The following SYNDIG1L variants were observed in gnomAD, a reference collection of about 807,000 sequenced individuals.
SYNDIG1L encodes synapse differentiation inducing 1 like, also known as synapse differentiation-inducing gene protein 1-like.
SYNDIG1L carries 13 observed loss-of-function variants against 20.1 expected under a neutral mutation model. The observed-to-expected ratio is 0.65, with a 90% CI of 0.42 to 1.03. SYNDIG1L has a LOEUF of 1.03. Ranked by LOEUF, SYNDIG1L falls within the 50% of genes least tolerant of loss-of-function variation. The pLI is 0.00. For synonymous variants in SYNDIG1L, 128 were observed against 129.3 expected, an observed-to-expected ratio of 0.99 and a Z score of 0.07; for missense variants, 294 against 305.1, an observed-to-expected ratio of 0.96 and a Z score of 0.27.
In SYNDIG1L at chr14:74,417,508, A is replaced by AT. The variant is rs369865506; in HGVS notation, c.-57-7708dup. On this transcript the variant is annotated intron_variant, in intron 1 of 3. Coordinates refer to ENST00000331628, the MANE Select transcript of SYNDIG1L (RefSeq NM_001105579.2). Reference sequence around the variant, plus strand: ...TGTAAAATGGTAACAGCTGCTATTTATTGCATCCTCCCATGAGGTGTTCCA... The same window carrying AT: ...TGTAAAATGGTAACAGCTGCTATTTATTTGCATCCTCCCATGAGGTGTTCCA... Among the ~76,000 whole-genome samples, 102 of 152,378 alleles carry AT rather than the reference A, an allele frequency of 6.7e-4. 2 individuals carry two copies. The highest frequency in any genetic ancestry group is 2.4e-3 in the African/African-American group (99 of 41,592).
chr14:74,455,847 C>T, the SYNDIG1L span, among the ~76,000 whole-genome samples: 1 of 152,222 alleles, frequency 6.6e-6, no homozygotes, highest in Non-Finnish European at 1.5e-5. Context: ...GTTCCTCCCT[C>T]CAACTGTGCT....
At chr14:74,448,894 C>A in the SYNDIG1L span, among the ~76,000 whole-genome samples, 1 of 151,650 alleles carries the variant, frequency 6.6e-6, no homozygotes, top group Non-Finnish European at 1.5e-5. Context: ...CATAGTGAGA[C>A]CTTGTTGCTA....
intron 1 of SYNDIG1L, among the ~76,000 whole-genome samples, chr14:74,424,238 CTCT>C (rs2086247667): frequency 6.6e-6 from 1 of 152,202 alleles, no homozygotes; most frequent in African/African-American, 2.4e-5. Context: ...TAGCCCAACT[CTCT>C]TCTTTTACAG....
rs139107110 is a variant in SYNDIG1L, at chr14:74,408,530, C to T, written c.418-541G>A. On this transcript the variant is annotated intron_variant, in intron 2 of 3. Transcript: ENST00000331628. ...AGTGAGCTGAGATCGCACCTTTGCACTCCAGCCGGGGCGACAGAGCGAGAC... is the reference window on the plus strand; with the variant it reads ...AGTGAGCTGAGATCGCACCTTTGCATTCCAGCCGGGGCGACAGAGCGAGAC... Among the ~76,000 whole-genome samples the T allele has an allele frequency of 9.1e-4, 136 of 149,544 alleles. 1 individual carries two copies. The highest frequency in any genetic ancestry group is 3.2e-3 in the African/African-American group (128 of 40,442).
At chr14:74,442,298 T>A in the SYNDIG1L span, among the ~76,000 whole-genome samples, 31 of 152,124 alleles carry the variant, frequency 2.0e-4, no homozygotes, top group Non-Finnish European at 3.1e-4. Context: ...CTGTGACAAG[T>A]GCTACCGCAA....
chr14:74,472,024 G>C, the SYNDIG1L span: 1 of 152,144 alleles, frequency 6.6e-6, no homozygotes, highest in Non-Finnish European at 1.5e-5. Context: ...TACTCCTCAA[G>C]TTCTACTTAT....
Position 74,409,654 on chromosome 14 carries a change from T to G in SYNDIG1L, c.91A>C (p.Ser31Arg), listed in dbSNP as rs773949447. The G allele has an allele frequency of 2.0e-5, 30 of 1,496,856 alleles. No individual in the cohort carries two copies. Among genetic ancestry groups the G allele is most frequent in the Non-Finnish European group, 2.7e-5 (30 of 1,123,982 alleles). 92.7% of individuals were successfully genotyped at this position (1,496,856 alleles called of 1,614,324 possible). The change falls in exon 2 of 4, where the codon AGC (serine) becomes CGC (arginine). Residue 31 changes from serine (S) to arginine (R), a missense_variant. By Grantham distance (110) the Ser-to-Arg change is moderately radical. Transcript: ENST00000331628. ...TAGAGCTTTTCCTGGCAGGACCAGC[T>G]GGGTGGGGTCTCCGGGTAGGGATAG... is the stretch of plus-strand genomic sequence containing the variant. Reference protein sequence around the residue: ...GPYPYPETPPSWSCQEKLYSY... With the variant: ...GPYPYPETPPRWSCQEKLYSY...
At chr14:74,425,687 AG>A (rs1453474753) in intron 1 of SYNDIG1L, among the ~76,000 whole-genome samples, 1 of 152,114 alleles carries the variant, frequency 6.6e-6, no homozygotes, top group Non-Finnish European at 1.5e-5. Flanking sequence ...TGATGTTGTG[AG>A]GTTATGGTGT....
chr14:74,420,012 A>G (rs756074132), intron 1 of SYNDIG1L, among the ~76,000 whole-genome samples: 29 of 152,102 alleles, frequency 1.9e-4, no homozygotes, highest in Non-Finnish European at 3.7e-4. Context: ...TATGTTTTAG[A>G]CAGAGCACTC....
At position 74,409,483 on chromosome 14, in the gene SYNDIG1L, C is replaced by T. The variant is rs1339667801; in HGVS notation, c.262G>A (p.Glu88Lys). 6.2e-6 allele frequency: 10 copies of T among 1,613,246 alleles called. No homozygotes were observed. The highest frequency in any genetic ancestry group is 8.5e-6 in the Non-Finnish European group (10 of 1,179,616). Residue 88 changes from glutamate (E) to lysine (K), a missense_variant, in exon 2 of 4, where the codon GAG becomes AAG. Coordinates refer to ENST00000331628, the MANE Select transcript of SYNDIG1L (RefSeq NM_001105579.2). Reference protein sequence around the residue: ...KVKEPRAGSCETSFTEDREPQ... With the variant: ...KVKEPRAGSCKTSFTEDREPQ... ...TCCCTGTCCTCTGTGAAGCTTGTCT[C>T]ACAGCTGCCTGCCCTGGGCTCCTTG...
intron 1 of SYNDIG1L, among the ~76,000 whole-genome samples, chr14:74,422,653 T>TACA (rs1555343200): frequency 7.1e-6 from 1 of 140,394 alleles, no homozygotes; most frequent in African/African-American, 2.7e-5. Context: ...ATCTCTCTCT[T>TACA]CACACACACA....
chr14:74,442,121 T>G, the SYNDIG1L span, among the ~76,000 whole-genome samples: 1 of 152,186 alleles, frequency 6.6e-6, no homozygotes, highest in Non-Finnish European at 1.5e-5. Flanking sequence ...TAGTACCTTT[T>G]TTTTTTATCC....
the SYNDIG1L span, among the ~76,000 whole-genome samples, chr14:74,471,681 A>T: frequency 6.6e-6 from 1 of 152,108 alleles, no homozygotes; most frequent in Admixed American, 6.5e-5. Context: ...TTTGCTATGG[A>T]TTCAATTCAA....
the SYNDIG1L span, among the ~76,000 whole-genome samples, chr14:74,440,642 GCCA>G: frequency 6.6e-6 from 1 of 151,592 alleles, no homozygotes; most frequent in Non-Finnish European, 1.5e-5. Context: ...CCGAGATCAC[GCCA>G]CTGAACTCCA....
the SYNDIG1L span, among the ~76,000 whole-genome samples, chr14:74,443,155 T>G: frequency 6.6e-6 from 1 of 152,100 alleles, no homozygotes; most frequent in Admixed American, 6.5e-5. Context: ...AGTCTCAACC[T>G]CCTAGAAATA....
chr14:74,439,401 ACCT>A, the SYNDIG1L span, among the ~76,000 whole-genome samples: 1 of 152,030 alleles, frequency 6.6e-6, no homozygotes, highest in South Asian at 2.1e-4. Context: ...GATCAGTCTG[ACCT>A]CAGTGCCTGC....
At chr14:74,422,716 C>CTT (rs5809665) in intron 1 of SYNDIG1L, among the ~76,000 whole-genome samples, 2,034 of 142,796 alleles carry the variant, frequency 0.014, 84 homozygotes, top group African/African-American at 0.047. Flanking sequence ...TTTCCTTTCT[C>CTT]TCTTTTTTTT....
chr14:74,454,139 G>A, the SYNDIG1L span, among the ~76,000 whole-genome samples: 1,110 of 152,260 alleles, frequency 7.3e-3, 12 homozygotes, highest in African/African-American at 0.024. Flanking sequence ...TTCTGACTCC[G>A]AAGCCTATGT....
the SYNDIG1L span, among the ~76,000 whole-genome samples, chr14:74,441,710 AG>A: frequency 2.0e-5 from 3 of 152,066 alleles, no homozygotes; most frequent in African/African-American, 7.2e-5. Flanking sequence ...ATAGGGTCTC[AG>A]TATATTTCTC....
Sources: allele counts gnomAD v4.1 joint callset (sites outside exome capture counted in the v4.1 genomes callset), GRCh38; gene constraint gnomAD v4.1.1; transcripts MANE v1.5; gene names NCBI Gene and HGNC (gene_info 2026-07-23, HGNC 2026-07-21).